The following USP34 variants were observed in gnomAD, a reference collection of about 807,000 sequenced individuals.
The protein encoded by USP34 is ubiquitin specific peptidase 34, also known as ubiquitin carboxyl-terminal hydrolase 34.
A neutral mutation model predicts 460.3 loss-of-function variants in USP34; 70 were observed. The observed-to-expected ratio is 0.15, with a 90% CI of 0.13 to 0.19. The LOEUF (loss-of-function observed/expected upper bound fraction) is 0.19. USP34 is among the 10% of genes least tolerant of loss of function. The pLI, the probability that USP34 is intolerant of heterozygous loss-of-function variation, is 1.00. For synonymous variants in USP34, 1,647 were observed against 1,405.3 expected (o/e 1.17, Z -3.85); for missense variants, 3,985 against 4,236.2 (o/e 0.94, Z 1.65).
intron 20 of USP34, among the ~76,000 whole-genome samples, chr2:61,329,947 T>C (rs72813541): frequency 0.15 from 22,255 of 152,084 alleles, 2,171 homozygotes; most frequent in South Asian, 0.36. Context: ...ATTTGACAGA[T>C]AGAAAGAATG....
Position 61,256,380 on chromosome 2 carries a change from A to G in USP34, c.6221+4T>C, listed in dbSNP as rs771970264. 5.1e-5 allele frequency: 82 copies of G among 1,605,792 alleles called. No individual in the cohort carries two copies. The highest frequency in any genetic ancestry group is 6.5e-5 in the Non-Finnish European group (76 of 1,173,526). ...TAATAAAAATCACATTTGAAAAAGC[A>G]TACCTTTTTTCAGCTCGTACTTTCT... is the stretch of plus-strand genomic sequence containing the variant. On this transcript the variant is annotated splice_donor_region_variant and intron_variant, in intron 48 of 79. Coordinates refer to ENST00000398571, the MANE Select transcript of USP34 (RefSeq NM_014709.4).
chr2:61,287,212 C>CT (rs766580064), intron 34 of USP34, among the ~76,000 whole-genome samples: 9 of 152,304 alleles, frequency 5.9e-5, no homozygotes, highest in Non-Finnish European at 8.8e-5. Flanking sequence ...TATACCAGTA[C>CT]TTTCTAACCT....
intron 75 of USP34, chr2:61,200,618 T>C (rs889030248): frequency 6.6e-6 from 1 of 152,346 alleles, no homozygotes; most frequent in Non-Finnish European, 1.5e-5. Flanking sequence ...TTCTCACCAA[T>C]GGTCACAATA....
At chr2:61,408,332 A>C (rs749901308) in intron 2 of USP34, among the ~76,000 whole-genome samples, 2 of 152,144 alleles carry the variant, frequency 1.3e-5, no homozygotes, top group Non-Finnish European at 2.9e-5. Context: ...GAGGATAATA[A>C]ATGTTTACTG....
At chr2:61,436,358 C>G (rs968659833) in intron 1 of USP34, among the ~76,000 whole-genome samples, 36 of 152,076 alleles carry the variant, frequency 2.4e-4, no homozygotes, top group African/African-American at 8.7e-4. Context: ...AGTGAAAGGA[C>G]GGGAAAAGAC....
chr2:61,287,946 C>T (rs1163451593), intron 34 of USP34, among the ~76,000 whole-genome samples: 1 of 152,206 alleles, frequency 6.6e-6, no homozygotes, highest in East Asian at 1.9e-4. Flanking sequence ...GCAAATATAT[C>T]AAAAACCAAA....
At position 61,378,935 on chromosome 2, in the gene USP34, A is replaced by AAAC. The variant is rs71245636; in HGVS notation, c.1015-514_1015-512dup. On this transcript the variant is annotated intron_variant, in intron 7 of 79. Coordinates refer to ENST00000398571, the MANE Select transcript of USP34 (RefSeq NM_014709.4). ...AACGAAAAAAAAAAAAAAAAAAAAAAAACAACACTAAATTCATTCCACAAA... is the reference window on the plus strand; with the variant it reads ...AACGAAAAAAAAAAAAAAAAAAAAAAAACAACAACACTAAATTCATTCCACAAA... Among the ~76,000 whole-genome samples, 98 of 146,204 alleles carry AAAC rather than the reference A, an allele frequency of 6.7e-4. 2 individuals are homozygous for AAAC. Among genetic ancestry groups the AAAC allele is most frequent in the Non-Finnish European group, 1.0e-3 (67 of 66,166 alleles).
intron 23 of USP34, among the ~76,000 whole-genome samples, chr2:61,316,780 G>A (rs1274961151): frequency 6.7e-6 from 1 of 149,174 alleles, no homozygotes; most frequent in African/African-American, 2.5e-5. Context: ...AGATACTTCG[G>A]GAAGCTGAGG....
At chr2:61,467,172 G>A (rs898084321) in intron 1 of USP34, among the ~76,000 whole-genome samples, 10 of 151,880 alleles carry the variant, frequency 6.6e-5, no homozygotes, top group Non-Finnish European at 1.0e-4. Flanking sequence ...GCATGGTGAC[G>A]TGTGCCTGTA....
intron 27 of USP34, among the ~76,000 whole-genome samples, chr2:61,305,185 G>A (rs12053388): frequency 0.33 from 50,076 of 151,808 alleles, 8,375 homozygotes; most frequent in South Asian, 0.37. Context: ...TTAGCCAGGC[G>A]TGGTGGAGTG....
intron 1 of USP34, among the ~76,000 whole-genome samples, chr2:61,459,443 G>C (rs1695535028): frequency 6.6e-6 from 1 of 152,174 alleles, no homozygotes; most frequent in East Asian, 1.9e-4. Flanking sequence ...AACTTCATAA[G>C]CATGACACCA....
intron 74 of USP34, among the ~76,000 whole-genome samples, chr2:61,203,522 T>C (rs1184781635): frequency 6.6e-6 from 1 of 152,180 alleles, no homozygotes; most frequent in Non-Finnish European, 1.5e-5. Context: ...GATTTTAAAA[T>C]GTGACACTTT....
At chr2:61,363,006 A>G (rs1242328585) in intron 10 of USP34, among the ~76,000 whole-genome samples, 2 of 152,224 alleles carry the variant, frequency 1.3e-5, no homozygotes, top group Admixed American at 6.5e-5. Flanking sequence ...TGTAAAACTC[A>G]AAAGAAAACC....
At chr2:61,363,397 T>G (rs1158812300) in intron 10 of USP34, among the ~76,000 whole-genome samples, 1 of 152,210 alleles carries the variant, frequency 6.6e-6, no homozygotes, top group African/African-American at 2.4e-5. Context: ...GGATACGTTC[T>G]GAGAAATGCC....
At chr2:61,409,092 C>T (rs1264460089) in intron 2 of USP34, among the ~76,000 whole-genome samples, 2 of 151,728 alleles carry the variant, frequency 1.3e-5, no homozygotes, top group East Asian at 3.9e-4. Flanking sequence ...TGGTGGCACA[C>T]ACCTGTAATC....
At chr2:61,268,403 G>T (rs1385214579) in intron 41 of USP34, among the ~76,000 whole-genome samples, 1 of 122,242 alleles carries the variant, frequency 8.2e-6, no homozygotes, top group Non-Finnish European at 1.6e-5. Context: ...GAATGAGTGA[G>T]TTCTCACTCT....
intron 48 of USP34, among the ~76,000 whole-genome samples, chr2:61,254,044 A>G (rs995260226): frequency 2.6e-5 from 4 of 152,166 alleles, no homozygotes; most frequent in African/African-American, 9.7e-5. Context: ...CTGTTGCCAA[A>G]CTTTAAAAAT....
At position 61,283,272 on chromosome 2, in the gene USP34, A is replaced by G. The variant is rs763225493; in HGVS notation, c.4874-3T>C. ...GAGCCACATTGAATAATGTGAAACTAAAGAAAAATTAGAAAACAGTTCACT... is the reference window on the plus strand; with the variant it reads ...GAGCCACATTGAATAATGTGAAACTGAAGAAAAATTAGAAAACAGTTCACT... On this transcript the variant is annotated splice_polypyrimidine_tract_variant and splice_region_variant and intron_variant, in intron 36 of 79. Coordinates refer to ENST00000398571, the MANE Select transcript of USP34 (RefSeq NM_014709.4). 1.9e-6 allele frequency: 3 copies of G among 1,610,508 alleles called. No individual in the cohort carries two copies. Among genetic ancestry groups the G allele is most frequent in the Admixed American group, 3.4e-5 (2 of 59,586 alleles).
At chr2:61,297,583 A>G (rs1690066834) in intron 29 of USP34, among the ~76,000 whole-genome samples, 1 of 152,228 alleles carries the variant, frequency 6.6e-6, no homozygotes, top group African/African-American at 2.4e-5. Context: ...TAAAATTGAC[A>G]GTTTTGGTAT....
Sources: gnomAD v4.1 joint callset for allele counts (sites outside exome capture counted in the v4.1 genomes callset) on GRCh38, gnomAD v4.1.1 for gene constraint, MANE v1.5 for transcripts, NCBI Gene and HGNC (gene_info 2026-07-23, HGNC 2026-07-21) for gene names.